Variants in EMB observed in about 807,000 individuals in gnomAD.
EMB encodes the protein embigin.
Under a neutral mutation model 41.4 loss-of-function variants are expected in EMB, and 31 were observed. The observed-to-expected ratio is 0.75, with a 90% CI of 0.56 to 1.01. The LOEUF is 1.01. Among genes scored for constraint, EMB ranks in the 50% least tolerant of loss-of-function variants. EMB has a pLI of 0.00. For synonymous variants in EMB, 137 were observed against 140.4 expected, an observed-to-expected ratio of 0.98 and a Z score of 0.17; for missense variants, 379 against 388.3, an observed-to-expected ratio of 0.98 and a Z score of 0.20.
upstream of EMB, chr5:50,441,306 C>T: frequency 4.8e-6 from 2 of 413,548 alleles, no homozygotes; most frequent in Non-Finnish European, 8.3e-6. Flanking sequence ...GGGAGGGGCC[C>T]GGCCGCCTTG....
rs929700878 is a variant in EMB, at chr5:50,410,946, T to C, written c.403A>G (p.Lys135Glu). ...TQYRFTIINSKQMGSYSCFFR... is the reference protein window; with the variant it reads ...TQYRFTIINSEQMGSYSCFFR... ...AAACAAGAATAACTTCCCATTTGTT[T>C]GCTATTAATGATGGTGAACCTAAAG... Residue 135 changes from lysine to glutamate, a missense_variant, in exon 4 of 9, where the codon AAA (lysine) becomes GAA (glutamate). By Grantham distance (56) the Lys-to-Glu change is moderately conservative. Transcript: ENST00000303221. 1 of 1,605,028 alleles carries C rather than the reference T, an allele frequency of 6.2e-7. No homozygotes were observed. Among genetic ancestry groups the C allele is most frequent in the African/African-American group, 1.3e-5 (1 of 74,390 alleles).
At position 50,405,386 on chromosome 5, in the gene EMB, T is replaced by TA. The variant is rs546687407; in HGVS notation, c.600+338dup. On this transcript the variant is annotated intron_variant, in intron 5 of 8. Transcript: ENST00000303221. Reference sequence around the variant, plus strand: ...CTAGTTACTTTCATGGAATGATTTTTAAAAAGAATATTTTCTAATGGGGTT... The same window carrying TA: ...CTAGTTACTTTCATGGAATGATTTTTAAAAAAGAATATTTTCTAATGGGGTT... Among the ~76,000 whole-genome samples, 30 of 152,020 alleles carry TA rather than the reference T, an allele frequency of 2.0e-4. No homozygotes were observed. The East Asian group carries it at 5.8e-3, about 29-fold the overall frequency.
At chr5:50,428,607 A>G in intron 1 of EMB, 1 of 988,740 alleles carries the variant, frequency 1.0e-6, no homozygotes, top group Non-Finnish European at 1.2e-6. Context: ...AGAAGATGAA[A>G]GAAGAGCGAC....
chr5:50,403,814 C>T (rs1301926150), intron 5 of EMB, among the ~76,000 whole-genome samples: 4 of 151,886 alleles, frequency 2.6e-5, no homozygotes, highest in Non-Finnish European at 5.9e-5. Context: ...GTACTTTTTC[C>T]TTCACAAGCA....
intron 1 of EMB, among the ~76,000 whole-genome samples, chr5:50,438,011 C>T (rs1397023694): frequency 6.6e-6 from 1 of 152,180 alleles, no homozygotes. Context: ...TATTCCAGGA[C>T]TCAAACTGTG....
At position 50,412,240 on chromosome 5, in the gene EMB, C is replaced by CACCA. The variant is rs1554024234; in HGVS notation, c.197-858_197-857insTGGT. On this transcript the variant is annotated intron_variant, in intron 2 of 8. Coordinates refer to ENST00000303221, the MANE Select transcript of EMB (RefSeq NM_198449.3). ...CTTGAAAACAATACACACACACACACCACACACACACACACAGACACACAC... is the reference window on the plus strand; with the variant it reads ...CTTGAAAACAATACACACACACACACACCACACACACACACACACAGACACACAC... 2.2e-4 allele frequency among the ~76,000 whole-genome samples: 30 copies of CACCA among 135,046 alleles called. No individual in the cohort carries two copies. In the East Asian group the frequency reaches 5.3e-3, roughly 24 times the overall value. The allele number at this position is 135,046 out of a possible 152,430, so 88.6% of individuals were successfully genotyped here.
At position 50,428,334 on chromosome 5, in the gene EMB, CTG is replaced by C. The variant is rs2111846755; in HGVS notation, c.113-109_113-108del. On this transcript the variant is annotated intron_variant, in intron 1 of 8. Coordinates refer to ENST00000303221, the MANE Select transcript of EMB (RefSeq NM_198449.3). The stretch of plus-strand genomic sequence containing the variant: ...ACTGTTGTGAACTATTAATGAAAAA[CTG>C]TGTTTTCAGGAAGCTCAAAGTCTTA... 12 of 1,259,168 alleles carry C rather than the reference CTG, an allele frequency of 9.5e-6. No homozygotes were observed. The East Asian group carries it at 1.8e-4, about 19-fold the overall frequency. The allele number at this position is 1,259,168 out of a possible 1,614,324, so 78.0% of individuals were successfully genotyped here. A position where few individuals can be genotyped will look rare whatever the true frequency, so the allele number is the denominator to read the frequency against.
chr5:50,403,149 A>C (rs1425279442), intron 6 of EMB, 29 bp downstream of exon 6: 21 of 1,550,576 alleles, frequency 1.4e-5, no homozygotes, highest in Non-Finnish European at 1.8e-5. Context: ...TTTCTAAAAA[A>C]AACAAAAAAC....
In EMB at chr5:50,397,495, T is replaced by C. The variant is rs1213764134; in HGVS notation, c.*1778A>G. On this transcript the variant is annotated 3_prime_UTR_variant, in exon 9 of 9. Coordinates refer to ENST00000303221, the MANE Select transcript of EMB (RefSeq NM_198449.3). Reference sequence around the variant, plus strand: ...GCCTCAATGGTTAGTGGTGGTAAAATGGAAGAATGCATACTGCAGATGGGT... The same window carrying C: ...GCCTCAATGGTTAGTGGTGGTAAAACGGAAGAATGCATACTGCAGATGGGT... The C allele has an allele frequency of 6.6e-6, 1 of 152,112 alleles. No homozygotes were observed. The highest frequency in any genetic ancestry group is 1.9e-4 in the East Asian group (1 of 5,180). 9.4% of individuals were successfully genotyped at this position (152,112 alleles called of 1,614,324 possible).
At chr5:50,433,149 CAG>C (rs991267921) in intron 1 of EMB, among the ~76,000 whole-genome samples, 3 of 151,924 alleles carry the variant, frequency 2.0e-5, no homozygotes, top group Non-Finnish European at 2.9e-5. Context: ...AAGTCAGAGA[CAG>C]ATAACACTCC....
rs181535854 is a variant in EMB at position 50,437,752 on chromosome 5, G to C, written c.112+3288C>G. Among the ~76,000 whole-genome samples, 393 of 152,236 alleles carry C rather than the reference G, an allele frequency of 2.6e-3. 1 individual carries two copies. Among genetic ancestry groups the C allele is most frequent in the Non-Finnish European group, 3.4e-3 (231 of 68,022 alleles). ...TAGAAAGCTGCTGTGTTTGGGGTGA[G>C]AGGTTAGTAGGGAAGGGGGTTCATA... On this transcript the variant is annotated intron_variant, in intron 1 of 8. Transcript: ENST00000303221.
At chr5:50,425,375 G>C (rs1340318935) in intron 2 of EMB, among the ~76,000 whole-genome samples, 3 of 152,056 alleles carry the variant, frequency 2.0e-5, no homozygotes, top group Non-Finnish European at 4.4e-5. Flanking sequence ...GTCAACACAG[G>C]AGAGGTGATT....
chr5:50,432,622 T>C (rs186008299), intron 1 of EMB, among the ~76,000 whole-genome samples: 1 of 151,734 alleles, frequency 6.6e-6, no homozygotes, highest in East Asian at 1.9e-4. Context: ...GAATTATGGG[T>C]TTTAGGAGCA....
chr5:50,414,989 C>A (rs1289669641), intron 2 of EMB, among the ~76,000 whole-genome samples: 1 of 152,128 alleles, frequency 6.6e-6, no homozygotes, highest in African/African-American at 2.4e-5. Flanking sequence ...AAAATTAGAA[C>A]CTCCACTGAA....
At chr5:50,441,403 G>C, upstream of EMB, 1 of 317,842 alleles carries the variant, frequency 3.1e-6, no homozygotes, top group African/African-American at 2.1e-5. Context: ...CCGGATGTGC[G>C]GTGGCGGTGC....
intron 4 of EMB, among the ~76,000 whole-genome samples, chr5:50,409,180 C>A (rs1745294276): frequency 6.6e-6 from 1 of 152,100 alleles, no homozygotes; most frequent in South Asian, 2.1e-4. Flanking sequence ...GTTGGAGAAT[C>A]AAGAGGCCTT....
At chr5:50,428,086 G>A in intron 2 of EMB, 58 bp downstream of exon 2, 2 of 1,295,342 alleles carry the variant, frequency 1.5e-6, no homozygotes, top group Middle Eastern at 1.9e-4. Flanking sequence ...CTTTGTTTAA[G>A]AAAAATTGCT....
chr5:50,440,273 C>T (rs1745876970), intron 1 of EMB, among the ~76,000 whole-genome samples: 1 of 152,158 alleles, frequency 6.6e-6, no homozygotes, highest in Admixed American at 6.5e-5. Context: ...GTGGCTCACG[C>T]CTGTAATCCC....
intron 2 of EMB, 103 bp downstream of exon 2, chr5:50,428,041 C>T: frequency 1.4e-6 from 1 of 737,414 alleles, no homozygotes; most frequent in Non-Finnish European, 2.3e-6. Flanking sequence ...AGGCCAGGAA[C>T]AGGGATTACC....
Sources: allele counts gnomAD v4.1 joint callset (sites outside exome capture counted in the v4.1 genomes callset), GRCh38; gene constraint gnomAD v4.1.1; transcripts MANE v1.5; gene names NCBI Gene and HGNC (gene_info 2026-07-23, HGNC 2026-07-21).